Variants in SYCP1 observed in about 807,000 individuals in gnomAD.
SYCP1 encodes synaptonemal complex protein 1, also known as cancer/testis antigen 8.
SYCP1 carries 64 observed loss-of-function variants against 153.1 expected under a neutral mutation model. The observed-to-expected ratio is 0.42, with a 90% confidence interval of 0.34 to 0.51. The LOEUF is 0.51. Among genes scored for constraint, SYCP1 ranks in the 20% least tolerant of loss-of-function variants. The pLI, the probability that SYCP1 is intolerant of heterozygous loss-of-function variation, is 0.06. For missense variants in SYCP1, 997 were observed against 1,049.0 expected, an observed-to-expected ratio of 0.95 and a Z score of 0.68; for synonymous variants, 384 against 341.8, an observed-to-expected ratio of 1.12 and a Z score of -1.36.
intron 27 of SYCP1, among the ~76,000 whole-genome samples, chr1:114,967,098 G>A (rs1429860370): frequency 6.6e-6 from 1 of 152,158 alleles, no homozygotes; most frequent in Non-Finnish European, 1.5e-5. Flanking sequence ...TTCCAATTAT[G>A]TGTTCAATTT....
chr1:114,939,082 A>G (rs961430343), intron 23 of SYCP1, among the ~76,000 whole-genome samples: 2 of 152,196 alleles, frequency 1.3e-5, no homozygotes, highest in African/African-American at 4.8e-5. Flanking sequence ...AATTGAAAGC[A>G]TAGTCTCAAA....
intron 16 of SYCP1, among the ~76,000 whole-genome samples, chr1:114,903,730 A>G (rs1303313493): frequency 6.6e-6 from 1 of 152,196 alleles, no homozygotes; most frequent in Non-Finnish European, 1.5e-5. Context: ...AACAGTTAAG[A>G]GTAGACAGAC....
chr1:114,926,540 C>A lies in SYCP1; in HGVS notation c.1903C>A (p.Gln635Lys). 1 of 1,594,162 alleles carries A rather than the reference C, an allele frequency of 6.3e-7. No individual in the cohort carries two copies. The highest frequency in any genetic ancestry group is 8.5e-7 in the Non-Finnish European group (1 of 1,169,928). ...LKKKGTAESK[Q>K]LNVYEIKVNK... ...AAAAAAAGGTACAGCAGAAAGCAAG[C>A]AACTGAATGTTTATGAGATAAAGGT... Residue 635 changes from glutamine to lysine, a missense_variant, in exon 23 of 32, where the codon CAA becomes AAA. Gln to Lys is a moderately conservative substitution (Grantham distance 53, BLOSUM62 1). Transcript: ENST00000369522.
At chr1:114,925,609 A>G (rs1669201066) in intron 21 of SYCP1, among the ~76,000 whole-genome samples, 33 of 152,036 alleles carry the variant, frequency 2.2e-4, no homozygotes, top group Admixed American at 2.2e-3. Context: ...TATTTTATCT[A>G]TCTGAGCCTT....
rs1040801308 is a variant in SYCP1 at position 114,925,626 on chromosome 1, C to T, written c.1801-652C>T. On this transcript the variant is annotated intron_variant, in intron 21 of 31. Coordinates refer to ENST00000369522, the MANE Select transcript of SYCP1 (RefSeq NM_003176.4). Reference sequence around the variant, plus strand: ...TTTTATCTATCTGAGCCTTAGTTTCCTCATCTCTCAAATGGAGATAATACC... The same window carrying T: ...TTTTATCTATCTGAGCCTTAGTTTCTTCATCTCTCAAATGGAGATAATACC... Among the ~76,000 whole-genome samples, 3 of 152,058 alleles carry T rather than the reference C, an allele frequency of 2.0e-5. No individual in the cohort carries two copies. In the East Asian group the frequency reaches 5.8e-4, roughly 29 times the overall value.
chr1:114,902,094 A>G (rs931242222), intron 16 of SYCP1, among the ~76,000 whole-genome samples: 8 of 148,590 alleles, frequency 5.4e-5, no homozygotes, highest in African/African-American at 2.0e-4. Context: ...ATGCTTCCCA[A>G]CGGGGAGGGG....
chr1:114,976,083 ATAAT>A (rs996033968), intron 27 of SYCP1, among the ~76,000 whole-genome samples: 3 of 151,950 alleles, frequency 2.0e-5, no homozygotes, highest in Admixed American at 6.6e-5. Context: ...TAGATTCCCA[ATAAT>A]TAATGTTAGT....
intron 19 of SYCP1, among the ~76,000 whole-genome samples, chr1:114,913,403 G>GT (rs1300493280): frequency 6.6e-6 from 1 of 151,976 alleles, no homozygotes; most frequent in Admixed American, 6.6e-5. Flanking sequence ...TTTTTAAAAA[G>GT]TATTTAGTCA....
intron 16 of SYCP1, 49 bp from the exon 17 acceptor site, chr1:114,910,348 C>T: frequency 1.5e-6 from 2 of 1,306,250 alleles, no homozygotes; most frequent in African/African-American, 1.5e-5. Flanking sequence ...TGATTACTTT[C>T]ACTATGTGTA....
At chr1:114,876,174 T>G (rs778386805) in intron 10 of SYCP1, 36 bp downstream of exon 10, 1 of 1,387,434 alleles carries the variant, frequency 7.2e-7, no homozygotes, top group Non-Finnish European at 9.8e-7. Context: ...TTTATATTAC[T>G]GTTTTGCTAT....
intron 11 of SYCP1, among the ~76,000 whole-genome samples, chr1:114,877,364 A>G (rs181946547): frequency 3.3e-5 from 5 of 152,280 alleles, no homozygotes; most frequent in East Asian, 3.9e-4. Context: ...TGCCATCTCT[A>G]TCAGTTTCAA....
In SYCP1 at chr1:114,858,673, A is replaced by G; in HGVS notation, c.418A>G (p.Ile140Val). 1 of 1,612,522 alleles carries G rather than the reference A, an allele frequency of 6.2e-7. No homozygotes were observed. The highest frequency in any genetic ancestry group is 8.5e-7 in the Non-Finnish European group (1 of 1,179,372). ...KESKLQENRK[I>V]IEAQRKAIQE... is the part of the protein sequence containing the mutation. ...AAGTAAGTTGCAAGAAAACAGAAAGATAATTGAAGCACAGCGAAAAGCCAT... is the reference window on the plus strand; with the variant it reads ...AAGTAAGTTGCAAGAAAACAGAAAGGTAATTGAAGCACAGCGAAAAGCCAT... The change falls in exon 6 of 32, where the codon ATA becomes GTA. Residue 140 changes from isoleucine (I) to valine (V), a missense_variant. Around this residue, in one of 2 missense-constraint regions of SYCP1, gnomAD observed 285 missense variants for 366.1 expected, o/e 0.78. Transcript: ENST00000369522.
chr1:114,873,659 GTTTTTCCTA>G (rs1457062097), intron 8 of SYCP1, among the ~76,000 whole-genome samples: 6 of 152,156 alleles, frequency 3.9e-5, no homozygotes, highest in Non-Finnish European at 8.8e-5. Flanking sequence ...ACAAGGGGAT[GTTTTTCCTA>G]TGTTCATTGT....
chr1:114,908,193 T>G (rs1667941124), intron 16 of SYCP1, among the ~76,000 whole-genome samples: 1 of 151,936 alleles, frequency 6.6e-6, no homozygotes. Context: ...TTTTTTTTTT[T>G]TTTGTTATAG....
At chr1:114,962,101 C>A (rs1191049685) in intron 27 of SYCP1, among the ~76,000 whole-genome samples, 1 of 151,860 alleles carries the variant, frequency 6.6e-6, no homozygotes, top group African/African-American at 2.4e-5. Context: ...CATCAGCCGC[C>A]TGAGTAGAGT....
At chr1:114,874,432 G>A in intron 8 of SYCP1, 74 bp from the exon 9 acceptor site, 1 of 842,972 alleles carries the variant, frequency 1.2e-6, no homozygotes. Context: ...AATGTTTTCT[G>A]GAGGCATTTT....
chr1:114,981,590 C>G (rs1673157348), intron 29 of SYCP1, 78 bp downstream of exon 29: 10 of 1,274,978 alleles, frequency 7.8e-6, no homozygotes, highest in Non-Finnish European at 9.7e-6. Flanking sequence ...ATATATCTGG[C>G]ATCACGCACA....
chr1:114,974,177 T>A (rs1030545150), intron 27 of SYCP1, among the ~76,000 whole-genome samples: 2 of 151,932 alleles, frequency 1.3e-5, no homozygotes, highest in African/African-American at 2.4e-5. Flanking sequence ...TTGTATTTGT[T>A]GATATGATAT....
At chr1:114,878,594 A>C (rs1557765100) in intron 12 of SYCP1, among the ~76,000 whole-genome samples, 1 of 152,198 alleles carries the variant, frequency 6.6e-6, no homozygotes. Flanking sequence ...CCCAGGCTGG[A>C]GTGCAGTGGC....
Sources: gnomAD v4.1 joint callset for allele counts (sites outside exome capture counted in the v4.1 genomes callset) on GRCh38, gnomAD v4.1.1 for gene constraint, gnomAD v4.1.1 regional missense constraint, MANE v1.5 for transcripts, NCBI Gene and HGNC (gene_info 2026-07-23, HGNC 2026-07-21) for gene names.